ALPL: variants seen among roughly 807,000 people sequenced by gnomAD.
ALPL encodes the protein alkaline phosphatase, tissue-nonspecific isozyme.
Under a neutral mutation model 51.3 loss-of-function variants are expected in ALPL, and 42 were observed. That is an observed-to-expected ratio of 0.82 (90% CI 0.64 to 1.06). The LOEUF (loss-of-function observed/expected upper bound fraction) is 1.06. ALPL is among the 50% of genes least tolerant of loss of function. The pLI, the probability that ALPL is intolerant of heterozygous loss-of-function variation, is 0.00. For missense variants in ALPL, 589 were observed against 709.4 expected (o/e 0.83, Z 1.93); for synonymous variants, 279 against 296.4 (o/e 0.94, Z 0.60).
At chr1:21,537,724 C>CATGGAGCTGG (rs1644128544) in intron 1 of ALPL, among the ~76,000 whole-genome samples, 1 of 152,222 alleles carries the variant, frequency 6.6e-6, no homozygotes, top group Non-Finnish European at 1.5e-5. Flanking sequence ...GTACACTGGA[C>CATGGAGCTGG]ATGGAGCTGG....
intron 1 of ALPL, among the ~76,000 whole-genome samples, chr1:21,524,669 G>T (rs1277459836): frequency 1.3e-5 from 2 of 152,124 alleles, no homozygotes; most frequent in Non-Finnish European, 2.9e-5. Context: ...ATGTCAGATG[G>T]GTACACTCTT....
rs370529396 is a variant in ALPL at position 21,573,809 on chromosome 1, C to G, written c.997+10C>G. 1 of 1,614,112 alleles carries G rather than the reference C, an allele frequency of 6.2e-7. No homozygotes were observed. On this transcript the variant is annotated intron_variant, in intron 9 of 11. Coordinates refer to ENST00000374840, the MANE Select transcript of ALPL (RefSeq NM_000478.6). ...TTCTTGCTGGTGGAAGGTAGGGACC[C>G]CGGGTCTGCTGAGAGGGGGCTGCTG...
chr1:21,554,028 C>A lies in ALPL; in HGVS notation c.-54C>A. The A allele has an allele frequency of 7.3e-7, 1 of 1,361,222 alleles. No individual in the cohort carries two copies. Among genetic ancestry groups the A allele is most frequent in the Non-Finnish European group, 1.0e-6 (1 of 952,378 alleles). The allele number at this position is 1,361,222 out of a possible 1,614,324, so 84.3% of individuals were successfully genotyped here. The stretch of plus-strand genomic sequence containing the variant: ...CCACTGCCAGCCCACCCCCTCCCAC[C>A]CACGTCGATTGCATCTCTGGGCTCC... On this transcript the variant is annotated 5_prime_UTR_variant, in exon 2 of 12. Transcript: ENST00000374840.
intron 1 of ALPL, among the ~76,000 whole-genome samples, chr1:21,545,940 C>T (rs1473022983): frequency 6.6e-6 from 1 of 151,998 alleles, no homozygotes; most frequent in Non-Finnish European, 1.5e-5. Context: ...CTCAGCCTCC[C>T]GAGTAGCTGG....
At chr1:21,521,919 A>C (rs935389893) in intron 1 of ALPL, among the ~76,000 whole-genome samples, 1 of 152,092 alleles carries the variant, frequency 6.6e-6, no homozygotes, top group African/African-American at 2.4e-5. Flanking sequence ...CACTTAATAC[A>C]TATTTGTTGA....
At chr1:21,560,136 A>G (rs148401588) in intron 2 of ALPL, among the ~76,000 whole-genome samples, 1 of 152,380 alleles carries the variant, frequency 6.6e-6, no homozygotes, top group African/African-American at 2.4e-5. Flanking sequence ...TGCTGAGCCT[A>G]CTTTAATGAA....
At chr1:21,528,705 T>C (rs1294024391) in intron 1 of ALPL, among the ~76,000 whole-genome samples, 1 of 152,144 alleles carries the variant, frequency 6.6e-6, no homozygotes, top group African/African-American at 2.4e-5. Flanking sequence ...TCAATTTTGA[T>C]GAAGTCCAAT....
intron 2 of ALPL, among the ~76,000 whole-genome samples, chr1:21,559,810 A>G (rs1340031525): frequency 6.6e-6 from 1 of 152,210 alleles, no homozygotes. Flanking sequence ...ATGAGCCACC[A>G]TGCCCAGCAG....
In ALPL at chr1:21,554,114, C is replaced by T. The variant is rs1558543098; in HGVS notation, c.33C>T (p.Gly11=). 6.2e-7 allele frequency: 1 copy of T among 1,606,888 alleles called. No homozygotes were observed. Among genetic ancestry groups the T allele is most frequent in the Non-Finnish European group, 8.5e-7 (1 of 1,176,062 alleles). The stretch of plus-strand genomic sequence containing the variant: ...CACCATTCTTAGTACTGGCCATTGG[C>T]ACCTGCCTTACTAACTCCTTAGTGC... MISPFLVLAI[G]TCLTNSLVPE... is the part of the protein sequence containing the mutation. Residue 11 remains glycine, a synonymous_variant, in exon 2 of 12, where the codon GGC becomes GGT. Transcript: ENST00000374840.
Sources: gnomAD v4.1 joint callset for allele counts (sites outside exome capture counted in the v4.1 genomes callset) on GRCh38, gnomAD v4.1.1 for gene constraint, MANE v1.5 for transcripts, NCBI Gene and HGNC (gene_info 2026-07-23, HGNC 2026-07-21) for gene names.